NALF1: variants seen among roughly 807,000 people sequenced by gnomAD.
NALF1 encodes the protein NALCN channel auxiliary factor 1, also known as family with sequence similarity 155 member A.
A neutral mutation model predicts 48.4 loss-of-function variants in NALF1; 3 were observed. That is an observed-to-expected ratio of 0.06 (90% CI 0.03 to 0.16). The LOEUF is 0.16. Ranked by LOEUF, NALF1 falls within the 10% of genes least tolerant of loss-of-function variation. The pLI, the probability that NALF1 is intolerant of heterozygous loss-of-function variation, is 1.00. For synonymous variants in NALF1, 262 were observed against 245.7 expected, an observed-to-expected ratio of 1.07 and a Z score of -0.62; for missense variants, 526 against 571.5, an observed-to-expected ratio of 0.92 and a Z score of 0.81.
chr13:107,381,418 G>A (rs955897597), intron 1 of NALF1, among the ~76,000 whole-genome samples: 3 of 151,904 alleles, frequency 2.0e-5, no homozygotes, highest in Admixed American at 6.6e-5. Context: ...GGCTGGTCTT[G>A]AACTCCTGGG....
At chr13:107,172,105 G>A (rs1048727561) in intron 2 of NALF1, among the ~76,000 whole-genome samples, 8 of 152,106 alleles carry the variant, frequency 5.3e-5, no homozygotes, top group Non-Finnish European at 1.0e-4. Flanking sequence ...TGTATCACTC[G>A]CCAAGCTACT....
chr13:107,852,796 A>G (rs1880350556), intron 1 of NALF1, among the ~76,000 whole-genome samples: 1 of 152,248 alleles, frequency 6.6e-6, no homozygotes. Context: ...TCAAAAAAAC[A>G]CAATAGAAAA....
At chr13:107,800,973 C>T (rs1319125443) in intron 1 of NALF1, among the ~76,000 whole-genome samples, 1 of 151,984 alleles carries the variant, frequency 6.6e-6, no homozygotes, top group Non-Finnish European at 1.5e-5. Context: ...TATACTAATT[C>T]AATTTCCTCA....
At chr13:107,781,281 A>G (rs1319798192) in intron 1 of NALF1, among the ~76,000 whole-genome samples, 2 of 152,228 alleles carry the variant, frequency 1.3e-5, no homozygotes, top group Non-Finnish European at 2.9e-5. Flanking sequence ...CTAATCATTT[A>G]AAGGTAAAAC....
At chr13:107,505,036 G>C (rs1374962403) in intron 1 of NALF1, among the ~76,000 whole-genome samples, 2 of 152,172 alleles carry the variant, frequency 1.3e-5, no homozygotes, top group Admixed American at 6.5e-5. Context: ...TGTATTTGCT[G>C]TAATTGCAAG....
chr13:107,416,350 G>A (rs769499996), intron 1 of NALF1, among the ~76,000 whole-genome samples: 5 of 151,736 alleles, frequency 3.3e-5, no homozygotes, highest in Non-Finnish European at 5.9e-5. Flanking sequence ...GTTACAGAGA[G>A]TATGCCTGCT....
intron 1 of NALF1, among the ~76,000 whole-genome samples, chr13:107,783,380 G>A (rs1450862690): frequency 1.3e-5 from 2 of 152,062 alleles, no homozygotes; most frequent in African/African-American, 4.8e-5. Context: ...AGCTCATTGA[G>A]AACGGGCCAT....
intron 1 of NALF1, among the ~76,000 whole-genome samples, chr13:107,634,890 T>A (rs1594174182): frequency 6.6e-6 from 1 of 152,236 alleles, no homozygotes. Flanking sequence ...TACAGTCAAC[T>A]TTAAGTAGAA....
chr13:107,647,283 C>G (rs1364008391), intron 1 of NALF1, among the ~76,000 whole-genome samples: 1 of 151,920 alleles, frequency 6.6e-6, no homozygotes, highest in Non-Finnish European at 1.5e-5. Context: ...CCTGTCTCTT[C>G]CCTCACTCTA....
intron 1 of NALF1, among the ~76,000 whole-genome samples, chr13:107,515,054 G>C (rs942357): frequency 0.73 from 111,154 of 152,118 alleles, 41,113 homozygotes; most frequent in Middle Eastern, 0.83. Flanking sequence ...GGTTATTTAA[G>C]TTCTCTGAGC....
chr13:107,404,367 G>T (rs536220409), intron 1 of NALF1, among the ~76,000 whole-genome samples: 1 of 152,076 alleles, frequency 6.6e-6, no homozygotes, highest in African/African-American at 2.4e-5. Flanking sequence ...CGGAATTAAT[G>T]ATAGCTTCAA....
At chr13:107,813,518 T>C (rs1487160134) in intron 1 of NALF1, among the ~76,000 whole-genome samples, 1 of 152,190 alleles carries the variant, frequency 6.6e-6, no homozygotes, top group Non-Finnish European at 1.5e-5. Flanking sequence ...AGGTTGGCTA[T>C]ATAACAGGTA....
intron 1 of NALF1, among the ~76,000 whole-genome samples, chr13:107,838,273 T>A (rs181659678): frequency 9.2e-5 from 14 of 152,264 alleles, no homozygotes; most frequent in Non-Finnish European, 2.1e-4. Context: ...AACTCCATCC[T>A]ATGAATCAGA....
In NALF1 at chr13:107,175,051, CT is replaced by C. The variant is rs1300105465; in HGVS notation, c.1088-4266del. On this transcript the variant is annotated intron_variant, in intron 2 of 2. Transcript: ENST00000375915. ...GGCGCCCGCCACGACGCCCGGCTAA[CT>C]TTTTTTTTTTGTATTTTTAGTAGAG... Among the ~76,000 whole-genome samples, 33 of 17,652 alleles carry C rather than the reference CT, an allele frequency of 1.9e-3. 1 individual carries two copies. Among genetic ancestry groups the C allele is most frequent in the East Asian group, 2.0e-3 (2 of 984 alleles). The allele number at this position is 17,652 out of a possible 152,430, so 11.6% of individuals were successfully genotyped here. A position where few individuals can be genotyped will look rare whatever the true frequency, so the allele number is the denominator to read the frequency against.
intron 1 of NALF1, among the ~76,000 whole-genome samples, chr13:107,574,625 T>A (rs1878082883): frequency 1.3e-5 from 2 of 152,182 alleles, no homozygotes; most frequent in African/African-American, 2.4e-5. Flanking sequence ...CTTTTTCACA[T>A]TAAGTGAGGC....
At chr13:107,856,961 C>A (rs1566508207) in intron 1 of NALF1, among the ~76,000 whole-genome samples, 1 of 152,188 alleles carries the variant, frequency 6.6e-6, no homozygotes, top group East Asian at 1.9e-4. Context: ...GATCTTCTTG[C>A]CAAAACACCT....
chr13:107,548,444 G>A lies in NALF1; in HGVS notation c.915+317238C>T, dbSNP rs1055570243. Among the ~76,000 whole-genome samples, 7 of 152,232 alleles carry A rather than the reference G, an allele frequency of 4.6e-5. No individual in the cohort carries two copies. The East Asian group carries it at 1.4e-3, about 29-fold the overall frequency. ...GCTGAAAAAACATCTGCATGCATGT[G>A]TCTTTAGAATGATTCATATCCCTCT... On this transcript the variant is annotated intron_variant, in intron 1 of 2. Coordinates refer to ENST00000375915, the MANE Select transcript of NALF1 (RefSeq NM_001080396.3).
chr13:107,639,723 C>T (rs551661770), intron 1 of NALF1, among the ~76,000 whole-genome samples: 1 of 152,078 alleles, frequency 6.6e-6, no homozygotes, highest in Non-Finnish European at 1.5e-5. Context: ...GAGCAAGTCT[C>T]AACTCAGGCA....
intron 1 of NALF1, among the ~76,000 whole-genome samples, chr13:107,546,834 G>C (rs190418020): frequency 3.3e-5 from 5 of 152,234 alleles, no homozygotes; most frequent in African/African-American, 9.6e-5. Context: ...GCAGCACTCA[G>C]TATACTTGAG....
Sources: allele counts gnomAD v4.1 joint callset (sites outside exome capture counted in the v4.1 genomes callset), GRCh38; gene constraint gnomAD v4.1.1; transcripts MANE v1.5; gene names NCBI Gene and HGNC (gene_info 2026-07-23, HGNC 2026-07-21).